The following MTPAP variants were observed in gnomAD, a reference collection of about 807,000 sequenced individuals.
MTPAP encodes mitochondrial poly(A) polymerase.
In MTPAP, 23 loss-of-function variants were observed where a neutral mutation model predicts 48.7. That is an observed-to-expected ratio of 0.47 (90% CI 0.34 to 0.67). The LOEUF (loss-of-function observed/expected upper bound fraction) is 0.67. Ranked by LOEUF, MTPAP falls within the 30% of genes least tolerant of loss-of-function variation. MTPAP has a pLI of 0.01. For synonymous variants in MTPAP, 257 were observed against 254.1 expected (o/e 1.01, Z -0.11); for missense variants, 614 against 694.3 (o/e 0.88, Z 1.30).
chr10:30,329,992 C>T lies in MTPAP; in HGVS notation c.781-3357G>A, dbSNP rs114231863. Among the ~76,000 whole-genome samples, 879 of 151,418 alleles carry T rather than the reference C, an allele frequency of 5.8e-3. 13 individuals are homozygous for T. Among genetic ancestry groups the T allele is most frequent in the African/African-American group, 0.02 (823 of 41,290 alleles). On this transcript the variant is annotated intron_variant, in intron 4 of 8. Transcript: ENST00000263063. The stretch of plus-strand genomic sequence containing the variant: ...TTTTAAAAAAAAAAGCTTTTCTATA[C>T]GCACAGGAAAAAAAATCCAGAATAT...
At position 30,312,268 on chromosome 10, in the gene MTPAP, A is replaced by G. The variant is rs2132839959; in HGVS notation, c.*1341T>C. 1 of 152,218 alleles carries G rather than the reference A, an allele frequency of 6.6e-6. No individual in the cohort carries two copies. The highest frequency in any genetic ancestry group is 1.5e-5 in the Non-Finnish European group (1 of 68,016). 9.4% of individuals were successfully genotyped at this position (152,218 alleles called of 1,614,324 possible). Reference sequence around the variant, plus strand: ...TCCATTTACACACAGATTTTTTCCAACCAAACTTGGATTGAAAATACAGTA... The same window carrying G: ...TCCATTTACACACAGATTTTTTCCAGCCAAACTTGGATTGAAAATACAGTA... On this transcript the variant is annotated 3_prime_UTR_variant, in exon 9 of 9. Coordinates refer to ENST00000263063, the MANE Select transcript of MTPAP (RefSeq NM_018109.4).
intron 3 of MTPAP, 116 bp downstream of exon 3, chr10:30,340,110 A>G: frequency 2.2e-6 from 2 of 907,442 alleles, no homozygotes; most frequent in South Asian, 1.5e-5. Context: ...TTCACCTTGT[A>G]AAACTGAAGA....
At chr10:30,343,848 A>G (rs145494624) in intron 1 of MTPAP, among the ~76,000 whole-genome samples, 298 of 152,198 alleles carry the variant, frequency 2.0e-3, no homozygotes, top group African/African-American at 6.8e-3. Flanking sequence ...AATTACAGGC[A>G]TGACGCCACC....
At chr10:30,326,365 A>C (rs1231394426) in intron 5 of MTPAP, 59 bp downstream of exon 5, 1 of 1,463,732 alleles carries the variant, frequency 6.8e-7, no homozygotes, top group African/African-American at 1.4e-5. Flanking sequence ...TGTGTGAGAA[A>C]CACTAAGCTA....
chr10:30,328,959 G>A (rs912926833), intron 4 of MTPAP, among the ~76,000 whole-genome samples: 1 of 152,064 alleles, frequency 6.6e-6, no homozygotes, highest in Non-Finnish European at 1.5e-5. Flanking sequence ...TTTTGAAACA[G>A]GGTATCATAG....
Position 30,314,060 on chromosome 10 carries a change from A to G in MTPAP, c.1387-89T>C, listed in dbSNP as rs532318281. On this transcript the variant is annotated intron_variant, in intron 8 of 8. Transcript: ENST00000263063. ...TTAACTCAATAAAATGTCAAAACAC[A>G]TAAAACACCAGCATTAACTTTACAT... The G allele has an allele frequency of 3.5e-5, 48 of 1,382,074 alleles. No homozygotes were observed. In the African/African-American group the frequency reaches 3.7e-4, roughly 11 times the overall value. The allele number at this position is 1,382,074 out of a possible 1,614,324, so 85.6% of individuals were successfully genotyped here.
chr10:30,322,515 T>G lies in MTPAP; in HGVS notation c.1095A>C (p.Ser365=). Reference sequence around the variant, plus strand: ...ATGCACCAGGAATACTACTTGTTAGTGAATGTGCTCGAGCCCAGCACCGTA... The same window carrying G: ...ATGCACCAGGAATACTACTTGTTAGGGAATGTGCTCGAGCCCAGCACCGTA... ...FSVRCWARAH[S]LTSSIPGAWI... The change falls in exon 6 of 9, where the codon TCA becomes TCC. Residue 365 remains serine (S), a synonymous_variant. Coordinates refer to ENST00000263063, the MANE Select transcript of MTPAP (RefSeq NM_018109.4). 6.2e-7 allele frequency: 1 copy of G among 1,613,936 alleles called. No individual in the cohort carries two copies. The highest frequency in any genetic ancestry group is 8.5e-7 in the Non-Finnish European group (1 of 1,179,822).
intron 4 of MTPAP, among the ~76,000 whole-genome samples, chr10:30,330,915 C>T (rs551419521): frequency 6.6e-6 from 1 of 152,156 alleles, no homozygotes; most frequent in African/African-American, 2.4e-5. Context: ...GTCTAGAGTG[C>T]CCATGCTGAC....
intron 8 of MTPAP, among the ~76,000 whole-genome samples, chr10:30,315,667 T>G (rs536023134): frequency 6.6e-6 from 1 of 152,292 alleles, no homozygotes; most frequent in Non-Finnish European, 1.5e-5. Flanking sequence ...TTCAGGAAAC[T>G]TTCTGGAATG....
Position 30,336,924 on chromosome 10 carries a change from G to A in MTPAP, c.659C>T (p.Ala220Val), listed in dbSNP as rs374513843. 32 of 1,613,238 alleles carry A rather than the reference G, an allele frequency of 2.0e-5. No individual in the cohort carries two copies. The highest frequency in any genetic ancestry group is 2.5e-5 in the Non-Finnish European group (29 of 1,179,928). ...TCSLIEDMAA[A>V]YFPDCIVRPF... Reference sequence around the variant, plus strand: ...TCTGACTATGCAGTCTGGAAAATACGCGGCGGCCATGTCTTCAATAAGAGA... The same window carrying A: ...TCTGACTATGCAGTCTGGAAAATACACGGCGGCCATGTCTTCAATAAGAGA... Residue 220 changes from alanine (A) to valine (V), a missense_variant, in exon 4 of 9, where the codon GCG (alanine) becomes GTG (valine). Around this residue, in one of 5 missense-constraint regions of MTPAP, gnomAD observed 261 missense variants for 355.4 expected, o/e 0.73. Transcript: ENST00000263063.
intron 6 of MTPAP, 113 bp from the exon 7 acceptor site, chr10:30,316,323 G>A: frequency 1.2e-6 from 1 of 803,660 alleles, no homozygotes; most frequent in Non-Finnish European, 2.1e-6. Context: ...GCTCAATGCA[G>A]CCTCCACCTC....
intron 4 of MTPAP, among the ~76,000 whole-genome samples, chr10:30,327,351 T>C (rs76390676): frequency 2.1e-5 from 3 of 141,080 alleles, no homozygotes; most frequent in Non-Finnish European, 4.6e-5. Context: ...AAAAAAAAAT[T>C]AGCCAAGTGT....
chr10:30,324,661 T>TC (rs1834560391), intron 5 of MTPAP, among the ~76,000 whole-genome samples: 1 of 152,138 alleles, frequency 6.6e-6, no homozygotes, highest in Non-Finnish European at 1.5e-5. Context: ...AAAAAAATAA[T>TC]TTAACAGCAT....
At chr10:30,343,998 G>A (rs76410716) in intron 1 of MTPAP, among the ~76,000 whole-genome samples, 2 of 152,004 alleles carry the variant, frequency 1.3e-5, no homozygotes, top group African/African-American at 4.8e-5. Context: ...CCCTAGTTTT[G>A]TTTTTCTCAA....
At chr10:30,326,743 A>G (rs1340196056) in intron 4 of MTPAP, 108 bp from the exon 5 acceptor site, 7 of 841,308 alleles carry the variant, frequency 8.3e-6, no homozygotes, top group Non-Finnish European at 7.6e-6. Flanking sequence ...GCAAAACAAA[A>G]TAAGAAAAAA....
At position 30,322,427 on chromosome 10, in the gene MTPAP, T is replaced by C; in HGVS notation, c.1183A>G (p.Ile395Val). 6.2e-6 allele frequency: 10 copies of C among 1,612,960 alleles called. No homozygotes were observed. Among genetic ancestry groups the C allele is most frequent in the South Asian group, 3.3e-5 (3 of 91,068 alleles). Residue 395 changes from isoleucine (I) to valine (V), a missense_variant, in exon 6 of 9, where the codon ATT (isoleucine) becomes GTT (valine). Transcript: ENST00000263063. ...IFFLQRRSPPILPTLDSLKTL... is the reference protein window; with the variant it reads ...IFFLQRRSPPVLPTLDSLKTL... ...TTTAAGGAATCTAGTGTTGGAAGAATAGGGGGTGATCTTCTCTGGAGAAAA... is the reference window on the plus strand; with the variant it reads ...TTTAAGGAATCTAGTGTTGGAAGAACAGGGGGTGATCTTCTCTGGAGAAAA...
chr10:30,329,569 T>C (rs896294276), intron 4 of MTPAP, among the ~76,000 whole-genome samples: 3 of 152,112 alleles, frequency 2.0e-5, no homozygotes, highest in African/African-American at 7.2e-5. Flanking sequence ...ACTTCTTACT[T>C]CTAGTCCTTT....
rs1226182745 is a variant in MTPAP at position 30,340,289 on chromosome 10, C to T, written c.492G>A (p.Arg164=). Residue 164 remains arginine, a synonymous_variant, in exon 3 of 9, where the codon CGG becomes CGA. Coordinates refer to ENST00000263063, the MANE Select transcript of MTPAP (RefSeq NM_018109.4). ...KNQTSERSRV[R]SSNQLPRSNK... is the part of the protein sequence containing the mutation. ...TTGAACGTGGCAACTGATTACTTGA[C>T]CGTACGCGTGACCGTTCAGAAGTCT... The T allele has an allele frequency of 1.2e-6, 2 of 1,614,022 alleles. No homozygotes were observed. The highest frequency in any genetic ancestry group is 4.5e-5 in the East Asian group (2 of 44,902).
rs34249388 is a variant in MTPAP at position 30,314,884 on chromosome 10, C to CAAAAAAAAAAAAAA, written c.1387-927_1387-914dup. On this transcript the variant is annotated intron_variant, in intron 8 of 8. Coordinates refer to ENST00000263063, the MANE Select transcript of MTPAP (RefSeq NM_018109.4). ...GAGACTCTGTCTCAAAAAACAAAAA[C>CAAAAAAAAAAAAAA]AAAAAAAAAAAAAAAAAAAAAGAAG... 5.3e-3 allele frequency among the ~76,000 whole-genome samples: 589 copies of CAAAAAAAAAAAAAA among 110,582 alleles called. 1 individual carries two copies. The highest frequency in any genetic ancestry group is 0.021 in the Middle Eastern group (3 of 142). The allele number at this position is 110,582 out of a possible 152,430, so 72.5% of individuals were successfully genotyped here.
Sources: allele counts gnomAD v4.1 joint callset (sites outside exome capture counted in the v4.1 genomes callset), GRCh38; gene constraint gnomAD v4.1.1; regional missense constraint gnomAD v4.1.1; transcripts MANE v1.5; gene names NCBI Gene and HGNC (gene_info 2026-07-23, HGNC 2026-07-21).